The following LIN52 variants were observed in gnomAD, a reference collection of about 807,000 sequenced individuals.
LIN52 encodes lin-52 DREAM MuvB core complex component, also known as protein lin-52 homolog.
In LIN52, 4 loss-of-function variants were observed where a neutral mutation model predicts 18.5. That is an observed-to-expected ratio of 0.22 (90% confidence interval 0.11 to 0.49). The LOEUF is 0.49. Among genes scored for constraint, LIN52 ranks in the 20% least tolerant of loss-of-function variants. The pLI, the probability that LIN52 is intolerant of heterozygous loss-of-function variation, is 0.97. For missense variants in LIN52, 102 were observed against 139.5 expected (o/e 0.73, Z 1.35); for synonymous variants, 34 against 45.5 (o/e 0.75, Z 1.02).
intron 5 of LIN52, among the ~76,000 whole-genome samples, chr14:74,175,849 T>A (rs1352775673): frequency 1.3e-5 from 2 of 151,610 alleles, no homozygotes; most frequent in Non-Finnish European, 2.9e-5. Flanking sequence ...GTGCAGTGGC[T>A]CATGCCTGTA....
At chr14:74,158,770 G>A (rs1307436543) in intron 5 of LIN52, among the ~76,000 whole-genome samples, 2 of 152,176 alleles carry the variant, frequency 1.3e-5, no homozygotes, top group Non-Finnish European at 2.9e-5. Context: ...GAGCCACTGC[G>A]CCCAGCCGTA....
chr14:74,192,345 G>A (rs143863496), intron 5 of LIN52, among the ~76,000 whole-genome samples: 3 of 152,222 alleles, frequency 2.0e-5, no homozygotes, highest in East Asian at 1.9e-4. Context: ...GATTACAGTC[G>A]CATGATCTCG....
At chr14:74,164,013 G>A (rs963409809) in intron 5 of LIN52, among the ~76,000 whole-genome samples, 8 of 149,732 alleles carry the variant, frequency 5.3e-5, no homozygotes, top group Non-Finnish European at 8.9e-5. Context: ...ACAGAGACTC[G>A]TGCTGTCGAC....
chr14:74,091,983 A>G (rs1400616678), intron 2 of LIN52, among the ~76,000 whole-genome samples: 1 of 151,926 alleles, frequency 6.6e-6, no homozygotes, highest in East Asian at 1.9e-4. Flanking sequence ...AATAATAATT[A>G]TTTTGTTTGA....
intron 5 of LIN52, among the ~76,000 whole-genome samples, chr14:74,105,819 T>C (rs775362547): frequency 3.9e-5 from 6 of 152,208 alleles, no homozygotes; most frequent in Admixed American, 1.3e-4. Flanking sequence ...ATATTTGTCC[T>C]CAAAACATGA....
chr14:74,170,232 G>T (rs535104913), intron 5 of LIN52, among the ~76,000 whole-genome samples: 1 of 152,276 alleles, frequency 6.6e-6, no homozygotes, highest in African/African-American at 2.4e-5. Flanking sequence ...ATTCGTTATT[G>T]TATCCACATT....
chr14:74,107,060 C>A (rs1374996713), intron 5 of LIN52, among the ~76,000 whole-genome samples: 1 of 152,218 alleles, frequency 6.6e-6, no homozygotes, highest in Non-Finnish European at 1.5e-5. Context: ...TCTCCTCTAC[C>A]AAAACACATG....
intron 5 of LIN52, among the ~76,000 whole-genome samples, chr14:74,153,199 A>G (rs1264501866): frequency 6.6e-6 from 1 of 152,162 alleles, no homozygotes; most frequent in Non-Finnish European, 1.5e-5. Flanking sequence ...GATTCAGACA[A>G]GGAGAGGAAC....
At chr14:74,164,287 G>GTT (rs59345368) in intron 5 of LIN52, among the ~76,000 whole-genome samples, 45 of 148,464 alleles carry the variant, frequency 3.0e-4, no homozygotes, top group Non-Finnish European at 3.6e-4. Context: ...AGCCGTTTTT[G>GTT]TTTTTTTTTG....
At chr14:74,085,677 T>G (rs1358163253) in intron 1 of LIN52, 1 of 151,180 alleles carries the variant, frequency 6.6e-6, no homozygotes, top group Non-Finnish European at 1.5e-5. Flanking sequence ...GTTTATATAT[T>G]GTGTAAAATG....
At chr14:74,103,144 T>A (rs1158696348) in intron 5 of LIN52, among the ~76,000 whole-genome samples, 2 of 152,184 alleles carry the variant, frequency 1.3e-5, no homozygotes, top group Admixed American at 1.3e-4. Context: ...AGTGGTGCAA[T>A]CTCGGCTCAC....
chr14:74,150,321 CAT>C (rs1316791731), intron 5 of LIN52, among the ~76,000 whole-genome samples: 1 of 152,104 alleles, frequency 6.6e-6, no homozygotes, highest in Non-Finnish European at 1.5e-5. Flanking sequence ...TGATAAAGAA[CAT>C]AGTAGAATAC....
At chr14:74,095,159 T>C (rs903206425) in intron 2 of LIN52, among the ~76,000 whole-genome samples, 1 of 149,040 alleles carries the variant, frequency 6.7e-6, no homozygotes, top group African/African-American at 2.5e-5. Flanking sequence ...GTTTTTTTTT[T>C]TTTTTTTTTT....
In LIN52 at chr14:74,184,305, G is replaced by A. The variant is rs116012099; in HGVS notation, c.284-14617G>A. Among the ~76,000 whole-genome samples the A allele has an allele frequency of 9.4e-3, 1,430 of 152,312 alleles. 25 individuals carry two copies. The highest frequency in any genetic ancestry group is 0.033 in the African/African-American group (1,357 of 41,564). On this transcript the variant is annotated intron_variant, in intron 5 of 5. Coordinates refer to ENST00000555028, the MANE Select transcript of LIN52 (RefSeq NM_001024674.3). The stretch of plus-strand genomic sequence containing the variant: ...CATGTTGCCTGGGCTGCGCTCAAGC[G>A]ATCCACCCACCTTGGCTTCCCAAGT...
chr14:74,088,606 G>T (rs1281334627), intron 1 of LIN52, among the ~76,000 whole-genome samples: 1 of 152,180 alleles, frequency 6.6e-6, no homozygotes, highest in Non-Finnish European at 1.5e-5. Flanking sequence ...TTTAATTAAG[G>T]CAATGTATTA....
At chr14:74,168,542 C>T (rs570616679) in intron 5 of LIN52, among the ~76,000 whole-genome samples, 1 of 152,120 alleles carries the variant, frequency 6.6e-6, no homozygotes, top group Admixed American at 6.5e-5. Flanking sequence ...GTGGTGGGTG[C>T]CTGTAGTCCC....
At chr14:74,086,614 C>T (rs2060733936) in intron 1 of LIN52, among the ~76,000 whole-genome samples, 1 of 151,646 alleles carries the variant, frequency 6.6e-6, no homozygotes, top group Non-Finnish European at 1.5e-5. Context: ...ATGTTCATGC[C>T]ACTGCACTCC....
intron 1 of LIN52, among the ~76,000 whole-genome samples, chr14:74,089,589 A>G (rs922661727): frequency 2.0e-5 from 3 of 152,032 alleles, no homozygotes; most frequent in African/African-American, 7.2e-5. Context: ...GCTGGTCTCA[A>G]ACTCGTGAGC....
At chr14:74,153,906 C>T (rs959781596) in intron 5 of LIN52, among the ~76,000 whole-genome samples, 1 of 152,116 alleles carries the variant, frequency 6.6e-6, no homozygotes, top group Non-Finnish European at 1.5e-5. Context: ...TGTGTTTTGG[C>T]CAGCTTCTGA....
Sources: gnomAD v4.1 joint callset for allele counts (sites outside exome capture counted in the v4.1 genomes callset) on GRCh38, gnomAD v4.1.1 for gene constraint, MANE v1.5 for transcripts, NCBI Gene and HGNC (gene_info 2026-07-23, HGNC 2026-07-21) for gene names.